The following CAMTA1 variants were observed in gnomAD, a reference collection of about 807,000 sequenced individuals.
CAMTA1 encodes calmodulin-binding transcription activator 1.
Under a neutral mutation model 170.9 loss-of-function variants are expected in CAMTA1, and 27 were observed. The observed-to-expected ratio is 0.16, with a 90% CI of 0.12 to 0.22. CAMTA1 has a LOEUF of 0.22. CAMTA1 is among the 10% of genes least tolerant of loss of function. The pLI, the probability that CAMTA1 is intolerant of heterozygous loss-of-function variation, is 1.00. For missense variants in CAMTA1, 1,619 were observed against 2,217.2 expected (o/e 0.73, Z 5.42); for synonymous variants, 833 against 891.5 (o/e 0.93, Z 1.17).
At chr1:7,611,803 G>A (rs779694858) in intron 6 of CAMTA1, among the ~76,000 whole-genome samples, 1 of 152,248 alleles carries the variant, frequency 6.6e-6, no homozygotes. Flanking sequence ...GGCCAGTGCT[G>A]GGGGACCGCC....
At chr1:7,047,636 A>C (rs527501455) in intron 3 of CAMTA1, among the ~76,000 whole-genome samples, 1 of 151,920 alleles carries the variant, frequency 6.6e-6, no homozygotes, top group African/African-American at 2.4e-5. Flanking sequence ...CAGTGTCTCC[A>C]AAGTGGTTGC....
At chr1:7,313,354 A>G (rs1677025981) in intron 5 of CAMTA1, among the ~76,000 whole-genome samples, 1 of 152,108 alleles carries the variant, frequency 6.6e-6, no homozygotes, top group Non-Finnish European at 1.5e-5. Context: ...CCAGTCTATG[A>G]ATCCTGTTTT....
chr1:6,794,190 G>T (rs760800469), intron 1 of CAMTA1, among the ~76,000 whole-genome samples: 4 of 152,138 alleles, frequency 2.6e-5, no homozygotes, highest in Non-Finnish European at 5.9e-5. Flanking sequence ...TAAGTTGATT[G>T]GATTGGTTTT....
intron 3 of CAMTA1, among the ~76,000 whole-genome samples, chr1:6,935,253 A>T (rs11120789): frequency 6.6e-6 from 1 of 152,148 alleles, no homozygotes; most frequent in African/African-American, 2.4e-5. Flanking sequence ...CCCACTTGGC[A>T]GTTTGGAAGT....
chr1:6,882,218 C>T (rs941626584), intron 3 of CAMTA1, among the ~76,000 whole-genome samples: 2 of 152,198 alleles, frequency 1.3e-5, no homozygotes, highest in Admixed American at 6.5e-5. Context: ...CAGAGCCACA[C>T]TCTTGTGTGT....
intron 3 of CAMTA1, among the ~76,000 whole-genome samples, chr1:7,085,635 C>G (rs990457615): frequency 4.6e-5 from 7 of 152,246 alleles, no homozygotes; most frequent in African/African-American, 1.4e-4. Flanking sequence ...TGAACAGGAC[C>G]TGACAGGTTA....
At chr1:7,525,615 C>T (rs1239861714) in intron 6 of CAMTA1, among the ~76,000 whole-genome samples, 1 of 152,018 alleles carries the variant, frequency 6.6e-6, no homozygotes, top group Non-Finnish European at 1.5e-5. Context: ...GGGAGGACAG[C>T]GAGGCTCATT....
intron 4 of CAMTA1, among the ~76,000 whole-genome samples, chr1:7,137,054 T>G (rs1645586509): frequency 6.6e-6 from 1 of 152,206 alleles, no homozygotes; most frequent in Admixed American, 6.5e-5. Flanking sequence ...AGCTGTTGAT[T>G]CATCACCTCT....
At chr1:7,090,000 G>A (rs535944091) in intron 3 of CAMTA1, among the ~76,000 whole-genome samples, 148 of 152,330 alleles carry the variant, frequency 9.7e-4, no homozygotes, top group Admixed American at 2.2e-3. Context: ...AACTTGCACA[G>A]TGAAGCAACT....
chr1:7,130,705 G>A (rs1465140872), intron 4 of CAMTA1, among the ~76,000 whole-genome samples: 1 of 152,102 alleles, frequency 6.6e-6, no homozygotes, highest in Non-Finnish European at 1.5e-5. Context: ...GGATGATGCT[G>A]ACAGTCCTAT....
chr1:7,281,220 T>C (rs903706729), intron 5 of CAMTA1, among the ~76,000 whole-genome samples: 1 of 152,220 alleles, frequency 6.6e-6, no homozygotes, highest in African/African-American at 2.4e-5. Context: ...ACTTTTTTTC[T>C]TTATAACTGG....
At chr1:7,613,435 G>A (rs900001629) in intron 6 of CAMTA1, among the ~76,000 whole-genome samples, 4 of 152,102 alleles carry the variant, frequency 2.6e-5, no homozygotes, top group Admixed American at 6.5e-5. Context: ...CCCCCAGGCC[G>A]TAAAGCCAGA....
chr1:7,049,050 G>A (rs185982023), intron 3 of CAMTA1, among the ~76,000 whole-genome samples: 3 of 152,188 alleles, frequency 2.0e-5, no homozygotes, highest in Non-Finnish European at 2.9e-5. Flanking sequence ...TCCCTGATAC[G>A]GTACATGAGG....
At chr1:6,787,769 G>T (rs1276053714) in intron 1 of CAMTA1, among the ~76,000 whole-genome samples, 2 of 152,236 alleles carry the variant, frequency 1.3e-5, no homozygotes, top group African/African-American at 4.8e-5. Context: ...GAAGCGTACA[G>T]TGCCTGCCCA....
chr1:7,584,507 C>T (rs969857303), intron 6 of CAMTA1, among the ~76,000 whole-genome samples: 5 of 151,922 alleles, frequency 3.3e-5, no homozygotes, highest in Admixed American at 1.3e-4. Context: ...GAGTTTGGGC[C>T]GAGTCAAGCA....
chr1:6,855,840 G>T (rs1290716857), intron 3 of CAMTA1, among the ~76,000 whole-genome samples: 1 of 152,202 alleles, frequency 6.6e-6, no homozygotes, highest in African/African-American at 2.4e-5. Flanking sequence ...GGCTGAGGTA[G>T]AGTCTGCAAG....
At chr1:7,753,677 C>T (rs760354485) in intron 21 of CAMTA1, among the ~76,000 whole-genome samples, 2 of 152,148 alleles carry the variant, frequency 1.3e-5, no homozygotes, top group African/African-American at 2.4e-5. Flanking sequence ...TAGAAGGAAA[C>T]ATGCACAGCC....
chr1:7,390,272 C>T (rs1457639032), intron 5 of CAMTA1, among the ~76,000 whole-genome samples: 2 of 152,168 alleles, frequency 1.3e-5, no homozygotes, highest in African/African-American at 4.8e-5. Context: ...TGACACAACC[C>T]GCCCAGGGTG....
At position 6,970,295 on chromosome 1, in the gene CAMTA1, T is replaced by C. The variant is rs1034812173; in HGVS notation, c.235-121009T>C. 1.3e-5 allele frequency among the ~76,000 whole-genome samples: 2 copies of C among 152,222 alleles called. No individual in the cohort carries two copies. The highest frequency in any genetic ancestry group is 2.9e-5 in the Non-Finnish European group (2 of 68,022). ...ATATTTAGTGTATCTGTAATCCTAA[T>C]GTGTACGGGACCTTATGTCCTGCTT... is the stretch of plus-strand genomic sequence containing the variant. On this transcript the variant is annotated intron_variant, in intron 3 of 22. Coordinates refer to ENST00000303635, the MANE Select transcript of CAMTA1 (RefSeq NM_015215.4). This position sits in a 1 kb window ranked among gnomAD's most constrained non-coding sequence, Gnocchi z 4.4.
Sources: allele counts gnomAD v4.1 joint callset (sites outside exome capture counted in the v4.1 genomes callset), GRCh38; gene constraint gnomAD v4.1.1; non-coding constraint Gnocchi (gnomAD v3.1); transcripts MANE v1.5; gene names NCBI Gene and HGNC (gene_info 2026-07-23, HGNC 2026-07-21).